SPOCK3: variants seen among roughly 807,000 people sequenced by gnomAD.
SPOCK3 encodes the protein SPARC (osteonectin), cwcv and kazal like domains proteoglycan 3.
In SPOCK3, 30 loss-of-function variants were observed where a neutral mutation model predicts 56.6. The ratio of observed to expected loss-of-function variants is 0.53; its 90% CI spans 0.40 to 0.72. The LOEUF is 0.72. Ranked by LOEUF, SPOCK3 falls within the 30% of genes least tolerant of loss-of-function variation. The pLI is 0.00. For missense variants in SPOCK3, 527 were observed against 530.0 expected (o/e 0.99, Z 0.06); for synonymous variants, 196 against 183.3 (o/e 1.07, Z -0.56).
intron 2 of SPOCK3, among the ~76,000 whole-genome samples, chr4:167,179,511 A>AT (rs1315379177): frequency 1.3e-5 from 2 of 152,176 alleles, no homozygotes; most frequent in Non-Finnish European, 2.9e-5. Flanking sequence ...CAGGAAATAT[A>AT]TTTTATAATC....
chr4:166,747,181 AC>A (rs1409176116), intron 8 of SPOCK3, among the ~76,000 whole-genome samples: 1 of 152,162 alleles, frequency 6.6e-6, no homozygotes, highest in Non-Finnish European at 1.5e-5. Flanking sequence ...GACACAGCAA[AC>A]AAAGAGAATT....
intron 2 of SPOCK3, among the ~76,000 whole-genome samples, chr4:167,180,414 G>A (rs1055691759): frequency 6.6e-6 from 1 of 152,166 alleles, no homozygotes; most frequent in Non-Finnish European, 1.5e-5. Flanking sequence ...ATCACCATGT[G>A]AGCAGCAGCC....
intron 7 of SPOCK3, among the ~76,000 whole-genome samples, chr4:166,770,261 C>T (rs942405978): frequency 6.6e-6 from 1 of 152,088 alleles, no homozygotes; most frequent in African/African-American, 2.4e-5. Flanking sequence ...CAGAAATCAC[C>T]CATCTTCTGT....
At chr4:166,752,567 TATATATACACACACACACACACACACAC>T (rs1379578203) in intron 8 of SPOCK3, among the ~76,000 whole-genome samples, 7 of 111,294 alleles carry the variant, frequency 6.3e-5, no homozygotes, top group African/African-American at 1.4e-4. Flanking sequence ...TATATATATA[TATATATACACACACACACACACACACAC>T]ACACACACAC....
At chr4:166,920,901 C>T (rs992204348) in intron 4 of SPOCK3, among the ~76,000 whole-genome samples, 1 of 152,144 alleles carries the variant, frequency 6.6e-6, no homozygotes, top group Non-Finnish European at 1.5e-5. Context: ...AGCCATTTAA[C>T]AATTAAATGC....
chr4:166,738,625 C>A (rs912053177), intron 9 of SPOCK3, among the ~76,000 whole-genome samples: 1 of 106,030 alleles, frequency 9.4e-6, no homozygotes, highest in Non-Finnish European at 1.9e-5. Flanking sequence ...CCCCCTCCCC[C>A]CACCCCACAA....
intron 3 of SPOCK3, among the ~76,000 whole-genome samples, chr4:167,041,186 C>T (rs1463745769): frequency 2.8e-4 from 42 of 152,162 alleles, no homozygotes; most frequent in Admixed American, 2.8e-3. Flanking sequence ...ATCACTGTCT[C>T]TCCTCTTTGT....
chr4:166,775,357 C>A (rs1739411830), intron 7 of SPOCK3, among the ~76,000 whole-genome samples: 1 of 152,070 alleles, frequency 6.6e-6, no homozygotes, highest in Admixed American at 6.6e-5. Context: ...AGGATGGCTT[C>A]CAGGTGTTTG....
chr4:167,218,510 C>A (rs954939449), intron 2 of SPOCK3, among the ~76,000 whole-genome samples: 2 of 152,110 alleles, frequency 1.3e-5, no homozygotes, highest in African/African-American at 4.8e-5. Flanking sequence ...GCAAACAAAG[C>A]AGTTCTGAAA....
intron 2 of SPOCK3, among the ~76,000 whole-genome samples, chr4:167,229,676 A>G (rs1385515): frequency 0.24 from 36,817 of 151,794 alleles, 4,931 homozygotes; most frequent in African/African-American, 0.36. Context: ...CACAAATCAG[A>G]TATTTTTTAA....
At chr4:166,994,925 A>T (rs1045243887) in intron 4 of SPOCK3, among the ~76,000 whole-genome samples, 2 of 152,192 alleles carry the variant, frequency 1.3e-5, no homozygotes, top group Admixed American at 6.6e-5. Context: ...GAAACAGTAC[A>T]TTAGGCAATA....
chr4:166,770,683 C>T (rs1738813366), intron 7 of SPOCK3, among the ~76,000 whole-genome samples: 1 of 152,084 alleles, frequency 6.6e-6, no homozygotes, highest in South Asian at 2.1e-4. Flanking sequence ...TATTGACAAT[C>T]ATTAAATTAA....
At chr4:167,115,317 G>GAAAAAAAAAAAA (rs34552247) in intron 2 of SPOCK3, among the ~76,000 whole-genome samples, 1 of 123,006 alleles carries the variant, frequency 8.1e-6, no homozygotes, top group Admixed American at 8.2e-5. Flanking sequence ...GCCTTGTACA[G>GAAAAAAAAAAAA]AAAAAAAAAA....
rs1019657022 is a variant in SPOCK3 at position 167,122,777 on chromosome 4, C to T, written c.190-60240G>A. ...ACTCATTTACAACTTCTGGAGAACACTAAATTATAAAATAAATTTTCGATA... is the reference window on the plus strand; with the variant it reads ...ACTCATTTACAACTTCTGGAGAACATTAAATTATAAAATAAATTTTCGATA... On this transcript the variant is annotated intron_variant, in intron 2 of 10. Transcript: ENST00000357545. 3.3e-5 allele frequency among the ~76,000 whole-genome samples: 5 copies of T among 152,090 alleles called. No homozygotes were observed. In the South Asian group the frequency reaches 8.3e-4, roughly 25 times the overall value.
intron 2 of SPOCK3, among the ~76,000 whole-genome samples, chr4:167,084,991 G>A (rs1234100266): frequency 6.6e-6 from 1 of 151,894 alleles, no homozygotes; most frequent in African/African-American, 2.4e-5. Flanking sequence ...CTCTACTTTT[G>A]TCCAGAGGGA....
chr4:167,194,024 A>T, intron 2 of SPOCK3, among the ~76,000 whole-genome samples: 1 of 152,172 alleles, frequency 6.6e-6, no homozygotes, highest in East Asian at 1.9e-4. Context: ...GGTATCCGAT[A>T]GGTCCAGTAT....
chr4:166,942,215 A>T (rs1002315585), intron 4 of SPOCK3, among the ~76,000 whole-genome samples: 4 of 151,458 alleles, frequency 2.6e-5, no homozygotes, highest in Non-Finnish European at 5.9e-5. Flanking sequence ...TGATTTTTTA[A>T]TTTTTTTTAT....
intron 3 of SPOCK3, among the ~76,000 whole-genome samples, chr4:167,023,780 C>T (rs1751429078): frequency 6.6e-6 from 1 of 151,976 alleles, no homozygotes; most frequent in African/African-American, 2.4e-5. Flanking sequence ...GAGAAATGGG[C>T]TAGAGAAAGG....
chr4:166,876,342 T>C (rs1368473011), intron 6 of SPOCK3, among the ~76,000 whole-genome samples: 3 of 152,192 alleles, frequency 2.0e-5, no homozygotes, highest in African/African-American at 7.2e-5. Context: ...TTTGAAAATA[T>C]GGCAATGGAA....
Sources: allele counts gnomAD v4.1 joint callset (sites outside exome capture counted in the v4.1 genomes callset), GRCh38; gene constraint gnomAD v4.1.1; transcripts MANE v1.5; gene names NCBI Gene and HGNC (gene_info 2026-07-23, HGNC 2026-07-21).